CFAP161: variants seen among roughly 807,000 people sequenced by gnomAD.
CFAP161 encodes cilia- and flagella-associated protein 161.
In CFAP161, 25 loss-of-function variants were observed where a neutral mutation model predicts 29.0. That is an observed-to-expected ratio of 0.86 (90% confidence interval 0.63 to 1.20). The LOEUF (loss-of-function observed/expected upper bound fraction) is 1.20, where lower values mean the gene tolerates loss of function less well. Among genes scored for constraint, CFAP161 ranks in the 50% most tolerant of loss-of-function variants. The pLI is 0.00. For synonymous variants in CFAP161, 116 were observed against 137.4 expected, an observed-to-expected ratio of 0.84 and a Z score of 1.09; for missense variants, 367 against 371.9, an observed-to-expected ratio of 0.99 and a Z score of 0.11.
At chr15:81,144,055 T>A (rs1036527458) in intron 5 of CFAP161, among the ~76,000 whole-genome samples, 1 of 152,180 alleles carries the variant, frequency 6.6e-6, no homozygotes. Flanking sequence ...CTCAAATGCC[T>A]TATGACTTTC....
intron 1 of CFAP161, among the ~76,000 whole-genome samples, chr15:81,108,024 C>T (rs1487390644): frequency 6.6e-6 from 1 of 152,008 alleles, no homozygotes; most frequent in African/African-American, 2.4e-5. Flanking sequence ...GAAACTGAGA[C>T]ACACCCTATC....
intron 5 of CFAP161, 52 bp from the exon 6 acceptor site, chr15:81,147,806 C>CA (rs11395672): frequency 0.24 from 285,309 of 1,175,934 alleles, 11,777 homozygotes; most frequent in African/African-American, 0.44. Context: ...TCCCTAAAAG[C>CA]AAAAAAAAAA....
intron 4 of CFAP161, among the ~76,000 whole-genome samples, chr15:81,143,125 A>T (rs1448566967): frequency 1.3e-5 from 2 of 151,828 alleles, no homozygotes; most frequent in African/African-American, 4.8e-5. Context: ...CCAGCTTGGG[A>T]AACAGTGGGA....
chr15:81,142,529 C>T (rs539517777), intron 4 of CFAP161, among the ~76,000 whole-genome samples: 15 of 152,274 alleles, frequency 9.9e-5, no homozygotes, highest in African/African-American at 3.4e-4. Flanking sequence ...AGGAAAGCAC[C>T]GTGCTCCTAC....
upstream of CFAP161, among the ~76,000 whole-genome samples, chr15:81,133,833 A>G (rs1567156679): frequency 2.6e-5 from 4 of 152,072 alleles, no homozygotes; most frequent in Admixed American, 2.0e-4. Flanking sequence ...TCTTCTTTCT[A>G]TGCGATTTTG....
chr15:81,100,434 T>G (rs150347283), intron 1 of CFAP161, among the ~76,000 whole-genome samples: 115 of 151,966 alleles, frequency 7.6e-4, no homozygotes, highest in African/African-American at 2.6e-3. Context: ...TTCTATTGCT[T>G]TAAATAATGA....
rs540782500 is a variant in CFAP161, at chr15:81,107,260, G to A, written c.-141-20330G>A. Among the ~76,000 whole-genome samples, 131 of 152,278 alleles carry A rather than the reference G, an allele frequency of 8.6e-4. 1 individual carries two copies. Among genetic ancestry groups the A allele is most frequent in the African/African-American group, 2.8e-3 (116 of 41,550 alleles). ...GGTACTGTGCCAATGTGTCACACAC[G>A]TCATCTTACATACATATCCACACTC... is the stretch of plus-strand genomic sequence containing the variant. On this transcript the variant is annotated intron_variant, in intron 1 of 4. Coordinates refer to the CFAP161 transcript ENST00000560091.
At chr15:81,117,366 C>T (rs115478973) in intron 1 of CFAP161, among the ~76,000 whole-genome samples, 1,608 of 152,132 alleles carry the variant, frequency 0.011, 31 homozygotes, top group African/African-American at 0.034. Flanking sequence ...CAGCTATCCA[C>T]GCTACAGCAA....
chr15:81,118,113 GT>G, intron 1 of CFAP161: 1 of 527,472 alleles, frequency 1.9e-6, no homozygotes, highest in Non-Finnish European at 3.5e-6. Flanking sequence ...TTCCACTTAA[GT>G]TTAAATGTGT....
intron 4 of CFAP161, among the ~76,000 whole-genome samples, chr15:81,139,366 C>A (rs896108860): frequency 6.6e-6 from 1 of 151,934 alleles, no homozygotes; most frequent in Non-Finnish European, 1.5e-5. Flanking sequence ...TTTGACACCC[C>A]ACAGATGGTA....
At chr15:81,103,564 T>C (rs1046267343) in intron 1 of CFAP161, among the ~76,000 whole-genome samples, 20 of 151,788 alleles carry the variant, frequency 1.3e-4, no homozygotes, top group Non-Finnish European at 2.6e-4. Flanking sequence ...TCCTGGAGGG[T>C]GGTGTGCCCA....
chr15:81,104,486 A>G (rs530646616), intron 1 of CFAP161, among the ~76,000 whole-genome samples: 50 of 152,354 alleles, frequency 3.3e-4, no homozygotes, highest in African/African-American at 1.2e-3. Context: ...AGGAGCTGCA[A>G]GGAAGGTATC....
intron 1 of CFAP161, among the ~76,000 whole-genome samples, chr15:81,103,813 G>A (rs1371339588): frequency 6.6e-6 from 1 of 152,136 alleles, no homozygotes. Context: ...GGGTAGTCTT[G>A]GGAACTGAGT....
At chr15:81,146,424 A>T (rs935038431) in intron 5 of CFAP161, among the ~76,000 whole-genome samples, 2 of 152,208 alleles carry the variant, frequency 1.3e-5, no homozygotes, top group South Asian at 4.1e-4. Flanking sequence ...TTTTTACAAG[A>T]TAGGACATCA....
chr15:81,132,657 A>C (rs932480240), upstream of CFAP161, among the ~76,000 whole-genome samples: 1 of 152,238 alleles, frequency 6.6e-6, no homozygotes, highest in Admixed American at 6.5e-5. Context: ...GGTGGGAGCA[A>C]AGCTGTATCA....
chr15:81,143,588 CA>C, intron 4 of CFAP161, 73 bp from the exon 5 acceptor site: 1 of 1,477,994 alleles, frequency 6.8e-7, no homozygotes, highest in Non-Finnish European at 9.3e-7. Context: ...GCCGTCCAGC[CA>C]GTCAATTGCT....
chr15:81,145,244 T>C (rs1389342743), intron 5 of CFAP161, among the ~76,000 whole-genome samples: 1 of 152,206 alleles, frequency 6.6e-6, no homozygotes, highest in African/African-American at 2.4e-5. Context: ...ATGGAGGACA[T>C]ATATATTATC....
intron 1 of CFAP161, among the ~76,000 whole-genome samples, chr15:81,102,701 T>G (rs1037907138): frequency 1.3e-5 from 2 of 152,102 alleles, no homozygotes; most frequent in African/African-American, 4.8e-5. Flanking sequence ...AGATATTTTA[T>G]AGATATGTGT....
rs778118793 is a variant in CFAP161, at chr15:81,147,879, A to G, written c.658A>G (p.Asn220Asp). ...TAAGGCAAATGCTAAAATTCTCATC[A>G]ATCACTGTCACACAAATCGGGGACT... The part of the protein sequence containing the change: ...PVPANAKILI[N>D]HCHTNRGLAA... The change falls in exon 6 of 7, where the codon AAT (asparagine) becomes GAT (aspartate). Residue 220 changes from asparagine (N) to aspartate (D), a missense_variant. By Grantham distance (23) the Asn-to-Asp change is conservative. Coordinates refer to ENST00000286732, the MANE Select transcript of CFAP161 (RefSeq NM_173528.4). 1.9e-6 allele frequency: 3 copies of G among 1,610,396 alleles called. No individual in the cohort carries two copies. In the South Asian group the frequency reaches 3.3e-5, roughly 18 times the overall value.
Sources: allele counts gnomAD v4.1 joint callset (sites outside exome capture counted in the v4.1 genomes callset), GRCh38; gene constraint gnomAD v4.1.1; transcripts MANE v1.5; gene names NCBI Gene and HGNC (gene_info 2026-07-23, HGNC 2026-07-21).